TASP1: variants seen among roughly 807,000 people sequenced by gnomAD.
TASP1 encodes threonine aspartase 1.
In TASP1, 16 loss-of-function variants were observed where a neutral mutation model predicts 56.6. The ratio of observed to expected loss-of-function variants is 0.28; its 90% confidence interval spans 0.19 to 0.43. The LOEUF (loss-of-function observed/expected upper bound fraction) is 0.43. Ranked by LOEUF, TASP1 falls within the 20% of genes least tolerant of loss-of-function variation. TASP1 has a pLI of 1.00. For missense variants in TASP1, 393 were observed against 511.6 expected (o/e 0.77, Z 2.24); for synonymous variants, 179 against 184.2 (o/e 0.97, Z 0.23).
intron 4 of TASP1, among the ~76,000 whole-genome samples, chr20:13,600,115 T>G (rs1190909766): frequency 6.6e-6 from 1 of 152,100 alleles, no homozygotes; most frequent in African/African-American, 2.4e-5. Flanking sequence ...CAAAATAATC[T>G]TGAGAGATAT....
At chr20:13,584,821 T>A (rs983166400) in intron 5 of TASP1, among the ~76,000 whole-genome samples, 2 of 152,078 alleles carry the variant, frequency 1.3e-5, no homozygotes, top group African/African-American at 4.8e-5. Context: ...TCATATGAAA[T>A]AGACAAATTC....
At chr20:13,541,324 T>C (rs886283654) in intron 8 of TASP1, among the ~76,000 whole-genome samples, 2 of 152,146 alleles carry the variant, frequency 1.3e-5, no homozygotes, top group Non-Finnish European at 2.9e-5. Context: ...AAAGCAACTA[T>C]AAACTTACAA....
the TASP1 span, among the ~76,000 whole-genome samples, chr20:13,319,753 C>A: frequency 1.3e-5 from 2 of 152,338 alleles, no homozygotes; most frequent in South Asian, 2.1e-4. Flanking sequence ...CACACACACA[C>A]TCTAGAGGGT....
At position 13,391,792 on chromosome 20, in the gene TASP1, C is replaced by A. The variant is rs1471789143; in HGVS notation, c.1171-1340G>T. Among the ~76,000 whole-genome samples, 19 of 151,376 alleles carry A rather than the reference C, an allele frequency of 1.3e-4. 1 individual carries two copies. The highest frequency in any genetic ancestry group is 4.4e-4 in the African/African-American group (18 of 41,310). On this transcript the variant is annotated intron_variant, in intron 13 of 13. Transcript: ENST00000337743. ...ACCATCCTGGCCAACATGGTGAAAC[C>A]CTGTCTCTACTAAAAATGCAAAAAA...
chr20:13,417,346 C>T, intron 13 of TASP1, 102 bp downstream of exon 13: 3 of 1,172,568 alleles, frequency 2.6e-6, no homozygotes, highest in Non-Finnish European at 3.7e-6. Context: ...AAAGCTACTG[C>T]CCAAAAAAAG....
the TASP1 span, chr20:13,167,518 G>A: frequency 6.6e-6 from 1 of 152,114 alleles, no homozygotes; most frequent in African/African-American, 2.4e-5. Context: ...TGAAAATCTG[G>A]TTGGTTGAGA....
chr20:13,509,017 C>G (rs1407790041), intron 10 of TASP1, among the ~76,000 whole-genome samples: 2 of 151,998 alleles, frequency 1.3e-5, no homozygotes, highest in African/African-American at 4.8e-5. Flanking sequence ...AAATCAGTAC[C>G]TCAAACAGAC....
chr20:13,611,280 T>C (rs1027086022), intron 4 of TASP1, among the ~76,000 whole-genome samples: 5 of 152,186 alleles, frequency 3.3e-5, no homozygotes, highest in Admixed American at 6.5e-5. Flanking sequence ...CGTTCCTTCA[T>C]CACAAACAGT....
chr20:13,612,692 A>G (rs2147450581), intron 4 of TASP1, among the ~76,000 whole-genome samples: 1 of 152,276 alleles, frequency 6.6e-6, no homozygotes, highest in East Asian at 1.9e-4. Context: ...TTCCATTCCC[A>G]CTATGAACAT....
chr20:13,206,168 T>C, the TASP1 span, among the ~76,000 whole-genome samples: 1 of 152,296 alleles, frequency 6.6e-6, no homozygotes, highest in African/African-American at 2.4e-5. Flanking sequence ...GCTGGCCCTG[T>C]GGGTCTTGGT....
chr20:13,620,352 G>C (rs2048669170), intron 4 of TASP1, among the ~76,000 whole-genome samples: 1 of 151,376 alleles, frequency 6.6e-6, no homozygotes, highest in South Asian at 2.1e-4. Context: ...CCCATGCATG[G>C]AGTTAAGAAC....
the TASP1 span, among the ~76,000 whole-genome samples, chr20:13,118,446 GT>G: frequency 6.2e-5 from 3 of 48,026 alleles, no homozygotes; most frequent in Admixed American, 6.3e-4. Flanking sequence ...CAAGAGGTTT[GT>G]GGAAAAAAAA....
the TASP1 span, among the ~76,000 whole-genome samples, chr20:13,265,210 C>T: frequency 1.3e-5 from 2 of 152,164 alleles, no homozygotes; most frequent in Non-Finnish European, 2.9e-5. Flanking sequence ...GCTCCTGAAC[C>T]CCTCCCCAGC....
At chr20:13,299,419 A>G in the TASP1 span, 5 of 1,610,012 alleles carry the variant, frequency 3.1e-6, no homozygotes, top group Admixed American at 8.3e-5. The surrounding 1 kb of genome is among the most constrained non-coding windows in gnomAD (Gnocchi z 5.8). Flanking sequence ...CCCTCGGACG[A>G]GGACTACATC....
At chr20:13,200,679 CAA>C in the TASP1 span, among the ~76,000 whole-genome samples, 1 of 152,196 alleles carries the variant, frequency 6.6e-6, no homozygotes, top group East Asian at 1.9e-4. Flanking sequence ...TAAAATAAGA[CAA>C]AGAGAAATAA....
At chr20:13,326,216 T>A in the TASP1 span, among the ~76,000 whole-genome samples, 1 of 152,210 alleles carries the variant, frequency 6.6e-6, no homozygotes, top group East Asian at 1.9e-4. Context: ...ACTCGCCTAC[T>A]AAAGGATATT....
chr20:13,501,193 G>C (rs1568516135), intron 10 of TASP1, among the ~76,000 whole-genome samples: 4 of 151,864 alleles, frequency 2.6e-5, no homozygotes, highest in Admixed American at 2.6e-4. Context: ...CTCATCATCA[G>C]GAAACATGAA....
At chr20:13,233,412 A>G in the TASP1 span, among the ~76,000 whole-genome samples, 1 of 152,044 alleles carries the variant, frequency 6.6e-6, no homozygotes, top group African/African-American at 2.4e-5. Context: ...CCTGACCAAC[A>G]TGGAGAAACC....
At chr20:13,440,111 G>A (rs1291100706) in intron 11 of TASP1, among the ~76,000 whole-genome samples, 1 of 152,134 alleles carries the variant, frequency 6.6e-6, no homozygotes, top group Non-Finnish European at 1.5e-5. Flanking sequence ...AGCAACACCT[G>A]AAGCTAAAAG....
Sources: allele counts gnomAD v4.1 joint callset (sites outside exome capture counted in the v4.1 genomes callset), GRCh38; gene constraint gnomAD v4.1.1; non-coding constraint Gnocchi (gnomAD v3.1); transcripts MANE v1.5; gene names NCBI Gene and HGNC (gene_info 2026-07-23, HGNC 2026-07-21).